Variants in SNX30 observed in about 807,000 individuals in gnomAD.
SNX30 encodes the protein sorting nexin-30.
A neutral mutation model predicts 46.4 loss-of-function variants in SNX30; 24 were observed. That is an observed-to-expected ratio of 0.52 (90% CI 0.37 to 0.73). The LOEUF (loss-of-function observed/expected upper bound fraction) is 0.73. Among genes scored for constraint, SNX30 ranks in the 30% least tolerant of loss-of-function variants. The pLI is 0.00. For missense variants in SNX30, 533 were observed against 555.7 expected (o/e 0.96, Z 0.41); for synonymous variants, 189 against 211.5 (o/e 0.89, Z 0.92).
In SNX30 at chr9:112,872,623, T is replaced by C. The variant is rs186740878; in HGVS notation, c.*3780T>C. On this transcript the variant is annotated 3_prime_UTR_variant, in exon 9 of 9. Transcript: ENST00000374232. Reference sequence around the variant, plus strand: ...GGCTGCCTGTGGTCAGGACAGGGCATACCAGTCTGGACTCCACCTTCCCAG... The same window carrying C: ...GGCTGCCTGTGGTCAGGACAGGGCACACCAGTCTGGACTCCACCTTCCCAG... The C allele has an allele frequency of 6.6e-6, 1 of 152,426 alleles. No homozygotes were observed. Among genetic ancestry groups the C allele is most frequent in the Admixed American group, 6.5e-5 (1 of 15,300 alleles). The allele number at this position is 152,426 out of a possible 1,614,324, so 9.4% of individuals were successfully genotyped here.
At chr9:112,797,965 G>A (rs1286572143) in intron 1 of SNX30, among the ~76,000 whole-genome samples, 1 of 146,950 alleles carries the variant, frequency 6.8e-6, no homozygotes, top group African/African-American at 2.5e-5. Flanking sequence ...GCCTGCCTTC[G>A]CCTCCCAAAG....
upstream of SNX30, among the ~76,000 whole-genome samples, chr9:112,750,244 C>T (rs752428741): frequency 6.6e-6 from 1 of 152,220 alleles, no homozygotes; most frequent in Admixed American, 6.5e-5. Context: ...TGAAGACTCC[C>T]CACACCGCCT....
intron 1 of SNX30, among the ~76,000 whole-genome samples, chr9:112,793,329 C>T (rs1026873047): frequency 5.3e-5 from 8 of 152,206 alleles, no homozygotes; most frequent in African/African-American, 1.9e-4. Flanking sequence ...GGGCAGCCAA[C>T]CCAGATGCCT....
intron 6 of SNX30, among the ~76,000 whole-genome samples, chr9:112,844,525 T>C (rs1278239458): frequency 6.6e-6 from 1 of 152,174 alleles, no homozygotes; most frequent in Non-Finnish European, 1.5e-5. Flanking sequence ...GTAATATTTA[T>C]TGATCTATCA....
chr9:112,849,406 C>T (rs957320788), intron 6 of SNX30, among the ~76,000 whole-genome samples: 3 of 152,158 alleles, frequency 2.0e-5, no homozygotes, highest in African/African-American at 4.8e-5. Flanking sequence ...GTTTCATGTG[C>T]TCAGTAGGCA....
intron 7 of SNX30, among the ~76,000 whole-genome samples, chr9:112,854,339 C>T (rs957883662): frequency 2.0e-5 from 3 of 152,326 alleles, no homozygotes; most frequent in Non-Finnish European, 2.9e-5. Context: ...GTCCACTCCC[C>T]GTGCTGTGGA....
chr9:112,777,085 C>T (rs1229409699), intron 1 of SNX30, among the ~76,000 whole-genome samples: 2 of 152,082 alleles, frequency 1.3e-5, no homozygotes, highest in African/African-American at 4.8e-5. Flanking sequence ...TTCCCACTGA[C>T]CTTTTAGGTT....
At chr9:112,828,941 A>G (rs756670319) in intron 3 of SNX30, among the ~76,000 whole-genome samples, 2 of 152,072 alleles carry the variant, frequency 1.3e-5, no homozygotes, top group Non-Finnish European at 2.9e-5. Context: ...GCCCCTGGCA[A>G]CCACCATCTA....
chr9:112,778,898 G>C (rs981115367), intron 1 of SNX30, among the ~76,000 whole-genome samples: 1 of 152,062 alleles, frequency 6.6e-6, no homozygotes, highest in African/African-American at 2.4e-5. Context: ...ACTTGGGGGG[G>C]GGGGATTTGC....
chr9:112,822,857 T>C (rs994353814), intron 3 of SNX30, among the ~76,000 whole-genome samples: 1 of 152,226 alleles, frequency 6.6e-6, no homozygotes, highest in Non-Finnish European at 1.5e-5. Context: ...ATTGCCCACC[T>C]GTGAGTCCTT....
At chr9:112,791,326 G>A (rs924193800) in intron 1 of SNX30, among the ~76,000 whole-genome samples, 6 of 141,552 alleles carry the variant, frequency 4.2e-5, no homozygotes, top group East Asian at 4.2e-4. Flanking sequence ...ATCTAGCTTC[G>A]TTCACTTAGA....
At position 112,758,299 on chromosome 9, in the gene SNX30, C is replaced by T. The variant is rs1048780974; in HGVS notation, c.156+7142C>T. On this transcript the variant is annotated intron_variant, in intron 1 of 8. Transcript: ENST00000374232. Reference sequence around the variant, plus strand: ...TGGACTCCCTCTCAACCAGCTCACTCCCATCAATATTTAAACATGCTCAAG... The same window carrying T: ...TGGACTCCCTCTCAACCAGCTCACTTCCATCAATATTTAAACATGCTCAAG... Among the ~76,000 whole-genome samples, 5 of 152,220 alleles carry T rather than the reference C, an allele frequency of 3.3e-5. No individual in the cohort carries two copies. The South Asian group carries it at 1.0e-3, about 32-fold the overall frequency.
At chr9:112,835,174 A>G (rs974688780) in intron 4 of SNX30, among the ~76,000 whole-genome samples, 9 of 152,118 alleles carry the variant, frequency 5.9e-5, no homozygotes, top group African/African-American at 1.9e-4. Flanking sequence ...TTCTGTTTGT[A>G]TTGAGGGTGG....
intron 1 of SNX30, among the ~76,000 whole-genome samples, chr9:112,788,157 GA>G (rs1839961653): frequency 6.6e-6 from 1 of 152,098 alleles, no homozygotes; most frequent in South Asian, 2.1e-4. Flanking sequence ...CCTGCTATTG[GA>G]AGTTGAGTCC....
chr9:112,806,953 CTCTG>C (rs1279321492), intron 2 of SNX30, among the ~76,000 whole-genome samples: 3 of 151,404 alleles, frequency 2.0e-5, no homozygotes, highest in African/African-American at 4.9e-5. Context: ...CTCTTTCAAT[CTCTG>C]TCTAATTATT....
At chr9:112,865,659 A>ATATATATG (rs1554757338) in intron 8 of SNX30, among the ~76,000 whole-genome samples, 12 of 79,668 alleles carry the variant, frequency 1.5e-4, no homozygotes, top group African/African-American at 5.8e-4. Flanking sequence ...ATATATATAT[A>ATATATATG]TATGTATGTA....
intron 6 of SNX30, among the ~76,000 whole-genome samples, chr9:112,849,379 C>T (rs570221518): frequency 2.0e-5 from 3 of 152,268 alleles, no homozygotes; most frequent in Admixed American, 2.0e-4. Context: ...ATCCAGTTCC[C>T]CAGTCCTGCT....
At chr9:112,842,808 C>T (rs1045862341) in intron 6 of SNX30, among the ~76,000 whole-genome samples, 2 of 152,122 alleles carry the variant, frequency 1.3e-5, no homozygotes, top group Non-Finnish European at 2.9e-5. Context: ...TCAAGGCACT[C>T]GGAACAAATG....
At position 112,869,319 on chromosome 9, in the gene SNX30, G is replaced by A. The variant is rs1841408683; in HGVS notation, c.*476G>A. On this transcript the variant is annotated 3_prime_UTR_variant, in exon 9 of 9. Transcript: ENST00000374232. The stretch of plus-strand genomic sequence containing the variant: ...AATTGGCCTCTGTGGGCATTGACTC[G>A]TCTTGGCCTAGGAGGCATTGGTGCC... 1 of 191,662 alleles carries A rather than the reference G, an allele frequency of 5.2e-6. No individual in the cohort carries two copies. The highest frequency in any genetic ancestry group is 1.1e-5 in the Non-Finnish European group (1 of 90,726). 11.9% of individuals were successfully genotyped at this position (191,662 alleles called of 1,614,324 possible). A position where few individuals can be genotyped will look rare whatever the true frequency, so the allele number is the denominator to read the frequency against.
Sources: gnomAD v4.1 joint callset for allele counts (sites outside exome capture counted in the v4.1 genomes callset) on GRCh38, gnomAD v4.1.1 for gene constraint, MANE v1.5 for transcripts, NCBI Gene and HGNC (gene_info 2026-07-23, HGNC 2026-07-21) for gene names.